Variants in PITPNM2 observed in about 807,000 individuals in gnomAD.
PITPNM2 encodes phosphatidylinositol transfer protein membrane associated 2, also known as membrane-associated phosphatidylinositol transfer protein 2.
Under a neutral mutation model 132.2 loss-of-function variants are expected in PITPNM2, and 35 were observed. The ratio of observed to expected loss-of-function variants is 0.26; its 90% CI spans 0.20 to 0.35. The LOEUF (loss-of-function observed/expected upper bound fraction) is 0.35, where lower values mean the gene tolerates loss of function less well. Among genes scored for constraint, PITPNM2 ranks in the 10% least tolerant of loss-of-function variants. The pLI is 1.00. For synonymous variants in PITPNM2, 738 were observed against 799.2 expected (o/e 0.92, Z 1.29); for missense variants, 1,332 against 1,912.0 (o/e 0.70, Z 5.66).
At position 123,013,724 on chromosome 12, in the gene PITPNM2, C is replaced by T. The variant is rs953435009; in HGVS notation, c.293+104G>A. On this transcript the variant is annotated intron_variant, in intron 4 of 25. Transcript: ENST00000320201. ...TTCCCTGGGGTTATGGGTTGTTGAA[C>T]CTGCTTGAAGGCTGATCCCATCCCC... is the stretch of plus-strand genomic sequence containing the variant. The T allele has an allele frequency of 2.3e-6, 3 of 1,310,798 alleles. No homozygotes were observed. The South Asian group carries it at 4.1e-5, about 18-fold the overall frequency. The allele number at this position is 1,310,798 out of a possible 1,614,324, so 81.2% of individuals were successfully genotyped here.
chr12:123,138,974 C>CA (rs924464202), intron 1 of PITPNM2, among the ~76,000 whole-genome samples: 13 of 151,416 alleles, frequency 8.6e-5, no homozygotes, highest in Non-Finnish European at 1.9e-4. Flanking sequence ...CCTGTCTCTA[C>CA]AAAAAATTAG....
chr12:123,137,840 C>A (rs1326629256), intron 1 of PITPNM2, among the ~76,000 whole-genome samples: 1 of 150,284 alleles, frequency 6.7e-6, no homozygotes, highest in Non-Finnish European at 1.5e-5. Flanking sequence ...CTGCAGTGAG[C>A]CAAGATCACA....
intron 2 of PITPNM2, among the ~76,000 whole-genome samples, chr12:123,069,435 G>A (rs1287056575): frequency 6.6e-6 from 1 of 152,132 alleles, no homozygotes; most frequent in African/African-American, 2.4e-5. Context: ...TGGAGAGACT[G>A]GAGACAGGAC....
intron 2 of PITPNM2, among the ~76,000 whole-genome samples, chr12:123,051,098 C>G (rs1247835846): frequency 2.0e-5 from 3 of 151,982 alleles, no homozygotes; most frequent in Admixed American, 2.0e-4. Flanking sequence ...GCAATGTCTT[C>G]AATATCCTCA....
chr12:122,999,776 T>C (rs1224510723), intron 10 of PITPNM2, among the ~76,000 whole-genome samples: 3 of 152,160 alleles, frequency 2.0e-5, no homozygotes, highest in Non-Finnish European at 4.4e-5. Flanking sequence ...GGGCTCCGGT[T>C]TGGGGGTTCT....
In PITPNM2 at chr12:122,992,104, G is replaced by A. The variant is rs558615838; in HGVS notation, c.2404+395C>T. The stretch of plus-strand genomic sequence containing the variant: ...CCTGCACCCTATCTCGGGGCCAGCC[G>A]CCTGCCATGATGGGACCCAGCCGAC... On this transcript the variant is annotated intron_variant, in intron 16 of 25. Transcript: ENST00000320201. This position sits in a 1 kb window ranked among gnomAD's most constrained non-coding sequence, Gnocchi z 6.5. Among the ~76,000 whole-genome samples the A allele has an allele frequency of 3.9e-5, 6 of 152,156 alleles. No individual in the cohort carries two copies. Among genetic ancestry groups the A allele is most frequent in the East Asian group, 1.9e-4 (1 of 5,172 alleles).
At chr12:123,068,563 G>T (rs940408299) in intron 2 of PITPNM2, among the ~76,000 whole-genome samples, 6 of 152,232 alleles carry the variant, frequency 3.9e-5, no homozygotes, top group Admixed American at 6.5e-5. Flanking sequence ...AGGGACTGCA[G>T]GTCTTTCTAA....
chr12:123,073,596 C>T (rs1306809738), intron 2 of PITPNM2, among the ~76,000 whole-genome samples: 1 of 152,244 alleles, frequency 6.6e-6, no homozygotes, highest in African/African-American at 2.4e-5. Flanking sequence ...GCCACCAATG[C>T]TGAAATCCTC....
rs1468902020 is a variant in PITPNM2, at chr12:123,004,553, C to G, written c.953-64G>C. ...GGAAGGGCCCAGAGGCTGCCCTGAGCCGGCAGGAGGCAGGGAGGGCCACCC... is the reference window on the plus strand; with the variant it reads ...GGAAGGGCCCAGAGGCTGCCCTGAGGCGGCAGGAGGCAGGGAGGGCCACCC... On this transcript the variant is annotated intron_variant, in intron 7 of 25. Coordinates refer to ENST00000320201, the MANE Select transcript of PITPNM2 (RefSeq NM_020845.3). The surrounding 1 kb of genome is among the most constrained non-coding windows in gnomAD (Gnocchi z 4.9). The G allele has an allele frequency of 1.3e-6, 2 of 1,542,376 alleles. No individual in the cohort carries two copies. The highest frequency in any genetic ancestry group is 3.4e-5 in the Admixed American group (2 of 58,554).
At chr12:123,045,281 T>C (rs1053184508) in intron 2 of PITPNM2, among the ~76,000 whole-genome samples, 2 of 152,216 alleles carry the variant, frequency 1.3e-5, no homozygotes, top group African/African-American at 2.4e-5. Context: ...ATCCCCTTTA[T>C]AGCAAATCCT....
chr12:123,107,329 T>C (rs2042741978), intron 2 of PITPNM2, among the ~76,000 whole-genome samples: 1 of 152,202 alleles, frequency 6.6e-6, no homozygotes, highest in Non-Finnish European at 1.5e-5. Context: ...CAATGCCGAA[T>C]GGCAAACATC....
intron 2 of PITPNM2, among the ~76,000 whole-genome samples, chr12:123,035,522 C>T (rs1487317126): frequency 1.3e-5 from 2 of 151,990 alleles, no homozygotes; most frequent in Admixed American, 6.6e-5. Flanking sequence ...AAAAATTAGC[C>T]GCAGGTGGTG....
At chr12:123,013,725 C>A (rs1000306959) in intron 4 of PITPNM2, 103 bp downstream of exon 4, 56 of 1,317,176 alleles carry the variant, frequency 4.3e-5, no homozygotes, top group Non-Finnish European at 5.2e-5. Flanking sequence ...GTTGTTGAAC[C>A]TGCTTGAAGG....
At position 123,005,443 on chromosome 12, in the gene PITPNM2, T is replaced by C. The variant is rs574667692; in HGVS notation, c.749A>G (p.Gln250Arg). The C allele has an allele frequency of 6.2e-7, 1 of 1,614,134 alleles. No homozygotes were observed. The highest frequency in any genetic ancestry group is 1.1e-5 in the South Asian group (1 of 91,088). The change falls in exon 7 of 26, where the codon CAG (glutamine) becomes CGG (arginine). Residue 250 changes from glutamine to arginine, a missense_variant. Gln to Arg is a conservative substitution (Grantham distance 43). Coordinates refer to ENST00000320201, the MANE Select transcript of PITPNM2 (RefSeq NM_020845.3). This position sits in a 1 kb window ranked among gnomAD's most constrained non-coding sequence, Gnocchi z 6.2. ...ENIRELEKEA[Q>R]LMLSRKMAQF... Reference sequence around the variant, plus strand: ...GGCCATCTTACGGGAAAGCATGAGCTGTGCCTCCTTCTCCAGCTCCCGGAT... The same window carrying C: ...GGCCATCTTACGGGAAAGCATGAGCCGTGCCTCCTTCTCCAGCTCCCGGAT...
chr12:123,019,671 C>T (rs896382290), intron 3 of PITPNM2, among the ~76,000 whole-genome samples: 10 of 152,242 alleles, frequency 6.6e-5, no homozygotes, highest in Admixed American at 2.0e-4. Flanking sequence ...ATCCCCCACC[C>T]AGTGGAGGGC....
At chr12:123,138,814 A>T (rs1295887136) in intron 1 of PITPNM2, among the ~76,000 whole-genome samples, 2 of 152,214 alleles carry the variant, frequency 1.3e-5, no homozygotes, top group Non-Finnish European at 2.9e-5. Context: ...TATATACTTT[A>T]AAAATCCTTT....
At chr12:123,034,077 G>C (rs959272624) in intron 3 of PITPNM2, among the ~76,000 whole-genome samples, 2 of 152,196 alleles carry the variant, frequency 1.3e-5, no homozygotes, top group African/African-American at 4.8e-5. Flanking sequence ...CAGGAAGAGG[G>C]CCCTCACCAG....
At chr12:123,139,992 A>G (rs1766121213) in intron 1 of PITPNM2, among the ~76,000 whole-genome samples, 1 of 152,210 alleles carries the variant, frequency 6.6e-6, no homozygotes, top group African/African-American at 2.4e-5. Flanking sequence ...CTAAAAAGGG[A>G]TAACTCAGTG....
At chr12:123,138,547 C>A (rs2043432545) in intron 1 of PITPNM2, among the ~76,000 whole-genome samples, 1 of 152,140 alleles carries the variant, frequency 6.6e-6, no homozygotes, top group African/African-American at 2.4e-5. Flanking sequence ...CTTGAAAACA[C>A]TATGTTATGT....
Sources: allele counts gnomAD v4.1 joint callset (sites outside exome capture counted in the v4.1 genomes callset), GRCh38; gene constraint gnomAD v4.1.1; non-coding constraint Gnocchi (gnomAD v3.1); transcripts MANE v1.5; gene names NCBI Gene and HGNC (gene_info 2026-07-23, HGNC 2026-07-21).